Variants in KCNH8 observed in about 807,000 individuals in gnomAD.
The protein encoded by KCNH8 is voltage-gated delayed rectifier potassium channel KCNH8.
KCNH8 carries 70 observed loss-of-function variants against 103.6 expected under a neutral mutation model. That is an observed-to-expected ratio of 0.68 (90% CI 0.56 to 0.82). The LOEUF (loss-of-function observed/expected upper bound fraction) is 0.82, where lower values mean the gene tolerates loss of function less well. Among genes scored for constraint, KCNH8 ranks in the 40% least tolerant of loss-of-function variants. The probability of loss-of-function intolerance (pLI) is 0.00; values close to 1 mark genes in which losing one functional copy is unlikely to be tolerated. For synonymous variants in KCNH8, 498 were observed against 489.4 expected (o/e 1.02, Z -0.23); for missense variants, 1,217 against 1,329.9 (o/e 0.92, Z 1.32).
At chr3:19,531,859 C>G (rs186115812) in intron 15 of KCNH8, among the ~76,000 whole-genome samples, 133 of 152,166 alleles carry the variant, frequency 8.7e-4, no homozygotes, top group African/African-American at 2.9e-3. Flanking sequence ...TATATTTAGC[C>G]CATAGGTTCA....
At chr3:19,410,522 G>A (rs1400620806) in intron 7 of KCNH8, among the ~76,000 whole-genome samples, 1 of 151,814 alleles carries the variant, frequency 6.6e-6, no homozygotes, top group Non-Finnish European at 1.5e-5. Context: ...AAGCTAGCAG[G>A]AGAAAATAAA....
chr3:19,187,929 T>G (rs979100696), intron 1 of KCNH8, among the ~76,000 whole-genome samples: 7 of 152,110 alleles, frequency 4.6e-5, no homozygotes, highest in Non-Finnish European at 8.8e-5. Flanking sequence ...TTTATTGTTA[T>G]ATTACTTATT....
chr3:19,481,480 A>G (rs1424480850), intron 11 of KCNH8, among the ~76,000 whole-genome samples: 1 of 152,104 alleles, frequency 6.6e-6, no homozygotes. Flanking sequence ...TTTTATGTAG[A>G]AGGGACTCAA....
chr3:19,457,555 T>C (rs1204724036), intron 11 of KCNH8, among the ~76,000 whole-genome samples: 1 of 152,006 alleles, frequency 6.6e-6, no homozygotes, highest in Non-Finnish European at 1.5e-5. Context: ...CCTGTCAAAA[T>C]ATGTACTATA....
At chr3:19,239,296 T>C in intron 1 of KCNH8, among the ~76,000 whole-genome samples, 1 of 152,108 alleles carries the variant, frequency 6.6e-6, no homozygotes, top group East Asian at 1.9e-4. Flanking sequence ...GGTCACAAGA[T>C]AACTAGTACA....
chr3:19,512,198 C>T (rs951813366), intron 12 of KCNH8, among the ~76,000 whole-genome samples: 5 of 152,180 alleles, frequency 3.3e-5, no homozygotes, highest in African/African-American at 7.2e-5. Context: ...GCCTTTGCTG[C>T]GTTCACTGCC....
intron 3 of KCNH8, among the ~76,000 whole-genome samples, chr3:19,284,125 C>T (rs2064795351): frequency 6.6e-6 from 1 of 151,734 alleles, no homozygotes; most frequent in Non-Finnish European, 1.5e-5. Flanking sequence ...GTAACTGTAG[C>T]AGTATTATGT....
rs199851831 is a variant in KCNH8 at position 19,533,702 on chromosome 3, A to G, written c.2927A>G (p.His976Arg). The G allele has an allele frequency of 6.2e-7, 1 of 1,614,016 alleles. No homozygotes were observed. Among genetic ancestry groups the G allele is most frequent in the African/African-American group, 1.3e-5 (1 of 74,950 alleles). ...AGCAGCCCCCAACGAACTGGAGCTCATGAGCAAAATCCTGCAGACAGTGAA... is the reference window on the plus strand; with the variant it reads ...AGCAGCCCCCAACGAACTGGAGCTCGTGAGCAAAATCCTGCAGACAGTGAA... ...VGSSPQRTGA[H>R]EQNPADSELY... The change falls in exon 16 of 16, where the codon CAT becomes CGT. Residue 976 changes from histidine (H) to arginine (R), a missense_variant. By Grantham distance (29) the His-to-Arg change is conservative. Around this residue, in one of 3 missense-constraint regions of KCNH8, gnomAD observed 558 missense variants for 495.8 expected, o/e 1.13. Transcript: ENST00000328405.
intron 11 of KCNH8, among the ~76,000 whole-genome samples, chr3:19,503,875 A>G (rs938649279): frequency 6.6e-6 from 1 of 152,084 alleles, no homozygotes; most frequent in Non-Finnish European, 1.5e-5. Flanking sequence ...ACACGTATAC[A>G]TATGTAACTA....
At chr3:19,238,550 G>T (rs564317773) in intron 1 of KCNH8, among the ~76,000 whole-genome samples, 6 of 152,070 alleles carry the variant, frequency 3.9e-5, no homozygotes, top group Non-Finnish European at 7.4e-5. Context: ...TTTAATAACC[G>T]CATGCTGAGG....
intron 3 of KCNH8, among the ~76,000 whole-genome samples, chr3:19,325,455 A>G (rs1344803680): frequency 6.6e-6 from 1 of 152,242 alleles, no homozygotes; most frequent in Admixed American, 6.5e-5. Flanking sequence ...ACAAAGGTCT[A>G]ATATCCAGCA....
intron 8 of KCNH8, among the ~76,000 whole-genome samples, chr3:19,443,235 A>G (rs1272546951): frequency 2.0e-5 from 3 of 151,696 alleles, no homozygotes; most frequent in Non-Finnish European, 4.4e-5. Context: ...GGGGACTGGC[A>G]AAACTCCAGA....
At chr3:19,269,928 A>G (rs988939529) in intron 2 of KCNH8, among the ~76,000 whole-genome samples, 1 of 152,162 alleles carries the variant, frequency 6.6e-6, no homozygotes, top group East Asian at 1.9e-4. Context: ...ACAAGACACC[A>G]CTATGACATA....
At chr3:19,512,273 C>A (rs2068796071) in intron 12 of KCNH8, among the ~76,000 whole-genome samples, 1 of 152,186 alleles carries the variant, frequency 6.6e-6, no homozygotes, top group Non-Finnish European at 1.5e-5. Flanking sequence ...TCTTAGTCTA[C>A]ACAGTTGAAT....
At chr3:19,532,974 G>T (rs1296562517) in intron 15 of KCNH8, among the ~76,000 whole-genome samples, 3 of 152,080 alleles carry the variant, frequency 2.0e-5, no homozygotes, top group African/African-American at 7.2e-5. Flanking sequence ...GGAGGCCGAG[G>T]AGGGCGGATC....
intron 5 of KCNH8, among the ~76,000 whole-genome samples, chr3:19,363,074 G>A (rs1198768148): frequency 6.6e-6 from 1 of 152,108 alleles, no homozygotes; most frequent in Non-Finnish European, 1.5e-5. Context: ...AAGCTTTCAG[G>A]AACACAAGTG....
chr3:19,206,099 A>G (rs113515922), intron 1 of KCNH8, among the ~76,000 whole-genome samples: 2,868 of 149,896 alleles, frequency 0.019, 89 homozygotes, highest in African/African-American at 0.067. Flanking sequence ...CACTTAGAGT[A>G]ACAGTCTCCA....
intron 8 of KCNH8, among the ~76,000 whole-genome samples, chr3:19,443,293 G>GA (rs1453784353): frequency 6.6e-6 from 1 of 151,014 alleles, no homozygotes; most frequent in Non-Finnish European, 1.5e-5. Context: ...AGAAATGGGT[G>GA]AAAAAATGCT....
At chr3:19,380,019 T>A (rs1224751547) in intron 5 of KCNH8, among the ~76,000 whole-genome samples, 1 of 152,194 alleles carries the variant, frequency 6.6e-6, no homozygotes, top group Admixed American at 6.5e-5. Context: ...TATATAAAGT[T>A]TTGCTTATTA....
Sources: allele counts gnomAD v4.1 joint callset (sites outside exome capture counted in the v4.1 genomes callset), GRCh38; gene constraint gnomAD v4.1.1; regional missense constraint gnomAD v4.1.1; transcripts MANE v1.5; gene names NCBI Gene and HGNC (gene_info 2026-07-23, HGNC 2026-07-21).